The following TPD52L2 variants were observed in gnomAD, a reference collection of about 807,000 sequenced individuals.
TPD52L2 encodes tumor protein D54.
TPD52L2 carries 19 observed loss-of-function variants against 24.7 expected under a neutral mutation model. The observed-to-expected ratio is 0.77, with a 90% confidence interval of 0.54 to 1.13. TPD52L2 has a LOEUF of 1.13. Ranked by LOEUF, TPD52L2 falls within the 50% of genes most tolerant of loss-of-function variation. The pLI is 0.00. For missense variants in TPD52L2, 236 were observed against 250.4 expected, an observed-to-expected ratio of 0.94 and a Z score of 0.39; for synonymous variants, 104 against 100.2, an observed-to-expected ratio of 1.04 and a Z score of -0.23.
rs562974298 is a variant in TPD52L2 at position 63,882,403 on chromosome 20, G to A, written c.375-316G>A. Among the ~76,000 whole-genome samples the A allele has an allele frequency of 9.8e-5, 15 of 152,362 alleles. No homozygotes were observed. In the East Asian group the frequency reaches 2.5e-3, roughly 25 times the overall value. On this transcript the variant is annotated intron_variant, in intron 4 of 6. Coordinates refer to ENST00000346249, the MANE Select transcript of TPD52L2 (RefSeq NM_003288.4). ...GAAGACAGGAAAGCGAGCTTAGTGGGTATCAGGCAAGGGGGTGAAATTGGG... is the reference window on the plus strand; with the variant it reads ...GAAGACAGGAAAGCGAGCTTAGTGGATATCAGGCAAGGGGGTGAAATTGGG...
At chr20:63,875,221 C>T (rs946747550) in intron 3 of TPD52L2, among the ~76,000 whole-genome samples, 4 of 151,600 alleles carry the variant, frequency 2.6e-5, no homozygotes, top group Admixed American at 6.6e-5. Context: ...TGACCCTCCC[C>T]GATGACGACG....
chr20:63,874,064 T>A (rs1473201323), intron 3 of TPD52L2, among the ~76,000 whole-genome samples: 3 of 152,152 alleles, frequency 2.0e-5, no homozygotes, highest in Non-Finnish European at 4.4e-5. Context: ...TATTATTATT[T>A]TTTTTGAGAC....
At chr20:63,889,364 C>T (rs970146356) in intron 6 of TPD52L2, 126 bp downstream of exon 6, 4 of 890,758 alleles carry the variant, frequency 4.5e-6, no homozygotes, top group African/African-American at 1.7e-5. Context: ...AGAGAGGTTC[C>T]TTGTGCCTTT....
At chr20:63,885,509 T>C (rs2053058606) in intron 5 of TPD52L2, among the ~76,000 whole-genome samples, 1 of 152,190 alleles carries the variant, frequency 6.6e-6, no homozygotes, top group Non-Finnish European at 1.5e-5. Context: ...GCAGAAATGC[T>C]CGGCGCCAAG....
At position 63,874,226 on chromosome 20, in the gene TPD52L2, T is replaced by G. The variant is rs34234410; in HGVS notation, c.314+410T>G. On this transcript the variant is annotated intron_variant, in intron 3 of 6. Coordinates refer to ENST00000346249, the MANE Select transcript of TPD52L2 (RefSeq NM_003288.4). ...CCCACCGCGCCCGGCTGATTTTTTT[T>G]TTTGTGTGTGTGTGTGTGTGTGTGT... Among the ~76,000 whole-genome samples the G allele has an allele frequency of 3.5e-3, 475 of 135,066 alleles. 1 individual carries two copies. The highest frequency in any genetic ancestry group is 9.1e-3 in the African/African-American group (302 of 33,356). 88.6% of individuals were successfully genotyped at this position (135,066 alleles called of 152,430 possible).
At chr20:63,874,589 G>T (rs1034401307) in intron 3 of TPD52L2, among the ~76,000 whole-genome samples, 2 of 151,936 alleles carry the variant, frequency 1.3e-5, no homozygotes, top group African/African-American at 4.8e-5. Context: ...ACCTAGGCTG[G>T]TCTCAAATTT....
intron 5 of TPD52L2, among the ~76,000 whole-genome samples, chr20:63,886,393 C>T (rs547002907): frequency 2.2e-4 from 33 of 151,588 alleles, no homozygotes; most frequent in East Asian, 9.7e-4. Flanking sequence ...CGGAGTCTTG[C>T]TCTGTCGCCC....
Position 63,889,707 on chromosome 20 carries a change from C to G in TPD52L2, c.526-143C>G. The G allele has an allele frequency of 4.0e-6, 3 of 748,680 alleles. No individual in the cohort carries two copies. The South Asian group carries it at 5.6e-5, about 14-fold the overall frequency. 46.4% of individuals were successfully genotyped at this position (748,680 alleles called of 1,614,324 possible). ...CTGGAGACCTGTTGGGGCTGGTGCCCGTCCGTGATTTGCTCCCTGTCCCTG... is the reference window on the plus strand; with the variant it reads ...CTGGAGACCTGTTGGGGCTGGTGCCGGTCCGTGATTTGCTCCCTGTCCCTG... On this transcript the variant is annotated intron_variant, in intron 6 of 6. Coordinates refer to ENST00000346249, the MANE Select transcript of TPD52L2 (RefSeq NM_003288.4).
At chr20:63,874,218 A>ATT (rs532097736) in intron 3 of TPD52L2, among the ~76,000 whole-genome samples, 12,535 of 133,268 alleles carry the variant, frequency 0.094, 695 homozygotes, top group East Asian at 0.21. Flanking sequence ...CGCCCGGCTG[A>ATT]TTTTTTTTTT....
At chr20:63,874,228 T>TTTTTTG (rs892015673) in intron 3 of TPD52L2, among the ~76,000 whole-genome samples, 1 of 139,956 alleles carries the variant, frequency 7.1e-6, no homozygotes, top group African/African-American at 2.7e-5. Flanking sequence ...ATTTTTTTTT[T>TTTTTTG]TGTGTGTGTG....
intron 6 of TPD52L2, 138 bp from the exon 7 acceptor site, chr20:63,889,712 G>A (rs1568965439): frequency 5.0e-6 from 4 of 800,100 alleles, no homozygotes; most frequent in African/African-American, 1.7e-5. Context: ...GTGCCCGTCC[G>A]TGATTTGCTC....
chr20:63,879,193 T>TG (rs1188884941), intron 4 of TPD52L2, among the ~76,000 whole-genome samples: 1 of 152,208 alleles, frequency 6.6e-6, no homozygotes, highest in East Asian at 1.9e-4. Context: ...TGCCCATTGT[T>TG]TCCAGGGCCA....
chr20:63,866,132 G>A (rs894942788), intron 1 of TPD52L2, among the ~76,000 whole-genome samples: 2 of 151,926 alleles, frequency 1.3e-5, no homozygotes, highest in Non-Finnish European at 2.9e-5. Flanking sequence ...TTGAGACGGA[G>A]TCTTGCTCTG....
chr20:63,878,964 G>A (rs2052792783), intron 4 of TPD52L2, among the ~76,000 whole-genome samples: 1 of 152,208 alleles, frequency 6.6e-6, no homozygotes, highest in Admixed American at 6.5e-5. Context: ...CTGGTCCACT[G>A]AGGAATGTGT....
intron 5 of TPD52L2, among the ~76,000 whole-genome samples, chr20:63,884,762 G>A (rs1433483131): frequency 2.0e-5 from 3 of 150,230 alleles, no homozygotes; most frequent in Admixed American, 1.3e-4. Flanking sequence ...ACTGTGCCAC[G>A]TGTTTGCACG....
chr20:63,876,188 C>T (rs1038096780), intron 4 of TPD52L2, among the ~76,000 whole-genome samples: 2 of 152,174 alleles, frequency 1.3e-5, no homozygotes, highest in Admixed American at 1.3e-4. Flanking sequence ...CCTTGGCTTC[C>T]GGCAGTGCAC....
At chr20:63,887,818 T>C in intron 5 of TPD52L2, 1 of 596,174 alleles carries the variant, frequency 1.7e-6, no homozygotes, top group Non-Finnish European at 3.0e-6. Flanking sequence ...ACCTGCAGCC[T>C]CCAGAGGAGA....
At chr20:63,885,243 A>G (rs903963824) in intron 5 of TPD52L2, among the ~76,000 whole-genome samples, 1 of 152,184 alleles carries the variant, frequency 6.6e-6, no homozygotes, top group African/African-American at 2.4e-5. Flanking sequence ...GCCCTGGGGC[A>G]TGGGTGATGG....
At chr20:63,884,177 C>T (rs1278767782) in intron 5 of TPD52L2, among the ~76,000 whole-genome samples, 1 of 152,226 alleles carries the variant, frequency 6.6e-6, no homozygotes, top group Non-Finnish European at 1.5e-5. Flanking sequence ...AGGCTCCACA[C>T]TCCCCAGCAG....
Sources: gnomAD v4.1 joint callset for allele counts (sites outside exome capture counted in the v4.1 genomes callset) on GRCh38, gnomAD v4.1.1 for gene constraint, MANE v1.5 for transcripts, NCBI Gene and HGNC (gene_info 2026-07-23, HGNC 2026-07-21) for gene names.